UTRN: variants seen among roughly 807,000 people sequenced by gnomAD.
UTRN encodes utrophin.
Under a neutral mutation model 463.9 loss-of-function variants are expected in UTRN, and 283 were observed. The ratio of observed to expected loss-of-function variants is 0.61; its 90% CI spans 0.55 to 0.67. The LOEUF (loss-of-function observed/expected upper bound fraction) is 0.67, where lower values mean the gene tolerates loss of function less well. UTRN is among the 30% of genes least tolerant of loss of function. The probability of loss-of-function intolerance (pLI) is 0.00; values close to 1 mark genes in which losing one functional copy is unlikely to be tolerated. For missense variants in UTRN, 3,922 were observed against 4,084.3 expected (o/e 0.96, Z 1.08); for synonymous variants, 1,442 against 1,431.5 (o/e 1.01, Z -0.17).
At chr6:144,387,729 C>T (rs1781538530) in intron 2 of UTRN, among the ~76,000 whole-genome samples, 1 of 152,168 alleles carries the variant, frequency 6.6e-6, no homozygotes, top group African/African-American at 2.4e-5. Flanking sequence ...GGGCTTTATC[C>T]AGTTTAGGAG....
intron 34 of UTRN, among the ~76,000 whole-genome samples, chr6:144,504,466 C>G (rs541499299): frequency 6.6e-6 from 1 of 152,162 alleles, no homozygotes; most frequent in Admixed American, 6.5e-5. Flanking sequence ...TGAATTTTAT[C>G]AAAGGCCTTT....
At chr6:144,612,977 G>T (rs918021712) in intron 51 of UTRN, among the ~76,000 whole-genome samples, 2 of 151,996 alleles carry the variant, frequency 1.3e-5, no homozygotes, top group Non-Finnish European at 2.9e-5. Context: ...CAGATGAATG[G>T]ATAAAGAAAA....
intron 51 of UTRN, among the ~76,000 whole-genome samples, chr6:144,596,076 G>T (rs1803612109): frequency 6.6e-6 from 1 of 152,178 alleles, no homozygotes; most frequent in Admixed American, 6.5e-5. Context: ...AGCTTGATAG[G>T]AAGCTAGAGA....
rs187343554 is a variant in UTRN at position 144,492,509 on chromosome 6, C to T, written c.4438-792C>T. Among the ~76,000 whole-genome samples, 455 of 152,192 alleles carry T rather than the reference C, an allele frequency of 3.0e-3. 1 individual carries two copies. The highest frequency in any genetic ancestry group is 4.7e-3 in the Non-Finnish European group (319 of 68,008). ...GAGTGCATGTGTCCTTTTGGTAGAA[C>T]GATTATCCTCCTTTACTTATATACC... On this transcript the variant is annotated intron_variant, in intron 32 of 74. Transcript: ENST00000367545.
intron 27 of UTRN, 121 bp downstream of exon 27, chr6:144,482,509 ACTT>A: frequency 1.6e-6 from 1 of 632,754 alleles, no homozygotes; most frequent in Non-Finnish European, 2.1e-6. Flanking sequence ...CTTGGAGAAA[ACTT>A]CTCTTTTCTT....
At chr6:144,775,888 C>T (rs1252602828) in intron 60 of UTRN, among the ~76,000 whole-genome samples, 2 of 152,208 alleles carry the variant, frequency 1.3e-5, no homozygotes, top group African/African-American at 4.8e-5. Flanking sequence ...AGCTCTTCCC[C>T]TCAAACCTGA....
intron 74 of UTRN, among the ~76,000 whole-genome samples, chr6:144,847,549 A>G (rs1396226176): frequency 2.6e-5 from 4 of 152,200 alleles, no homozygotes; most frequent in Non-Finnish European, 5.9e-5. Context: ...TATATAATTA[A>G]GATAAGGTAT....
At chr6:144,850,471 A>G (rs1271283582) in intron 74 of UTRN, among the ~76,000 whole-genome samples, 1 of 152,076 alleles carries the variant, frequency 6.6e-6, no homozygotes, top group Non-Finnish European at 1.5e-5. Context: ...AAAGGTTGAT[A>G]CCACTTCCAT....
rs1302184873 is a variant in UTRN at position 144,700,193 on chromosome 6, C to G, written c.7759C>G (p.Pro2587Ala). 6.2e-7 allele frequency: 1 copy of G among 1,613,332 alleles called. No individual in the cohort carries two copies. The highest frequency in any genetic ancestry group is 1.1e-5 in the South Asian group (1 of 91,042). The change falls in exon 53 of 75, where the codon CCT becomes GCT. Residue 2587 changes from proline (P) to alanine (A), a missense_variant. This residue lies in a region of UTRN where 1,309 missense variants were observed against 1,452.6 expected (regional missense o/e 0.90). Coordinates refer to ENST00000367545, the MANE Select transcript of UTRN (RefSeq NM_007124.3). ...AGATGAAGAGCTTAAGAAACAAATG[C>G]CTATTGGAGGAGATGTTCCAGCCTT... ...MKDEELKKQM[P>A]IGGDVPALQL...
At chr6:144,337,212 A>G (rs1776804273) in intron 2 of UTRN, among the ~76,000 whole-genome samples, 1 of 148,832 alleles carries the variant, frequency 6.7e-6, no homozygotes, top group East Asian at 2.6e-4. Flanking sequence ...ACACACACAC[A>G]CACACACATG....
At chr6:144,593,253 G>T (rs540056449) in intron 51 of UTRN, among the ~76,000 whole-genome samples, 99 of 152,226 alleles carry the variant, frequency 6.5e-4, no homozygotes, top group African/African-American at 2.2e-3. Flanking sequence ...CAGATTTTTT[G>T]AAAGAAAAGT....
intron 25 of UTRN, among the ~76,000 whole-genome samples, chr6:144,477,353 T>C (rs910757679): frequency 6.6e-6 from 1 of 152,240 alleles, no homozygotes; most frequent in Non-Finnish European, 1.5e-5. Flanking sequence ...CAGAAAAATT[T>C]ATATTTGCAT....
chr6:144,387,299 T>C (rs1781502603), intron 2 of UTRN, among the ~76,000 whole-genome samples: 1 of 152,124 alleles, frequency 6.6e-6, no homozygotes, highest in Non-Finnish European at 1.5e-5. Context: ...CGTGCCACCA[T>C]GCCTGGCTAA....
intron 53 of UTRN, among the ~76,000 whole-genome samples, chr6:144,710,958 A>C (rs1785624990): frequency 6.6e-6 from 1 of 152,142 alleles, no homozygotes; most frequent in Non-Finnish European, 1.5e-5. Context: ...GTACATGTTT[A>C]ATTCCCTCAA....
At chr6:144,306,296 G>A (rs1805730972) in intron 2 of UTRN, among the ~76,000 whole-genome samples, 2 of 152,124 alleles carry the variant, frequency 1.3e-5, no homozygotes, top group Non-Finnish European at 2.9e-5. Flanking sequence ...TGTGGGGTGT[G>A]TGCTGGATGA....
intron 3 of UTRN, among the ~76,000 whole-genome samples, chr6:144,421,586 G>A (rs1193466384): frequency 1.3e-5 from 2 of 151,936 alleles, no homozygotes; most frequent in Non-Finnish European, 2.9e-5. Context: ...CTACTCGGGA[G>A]GCTGAGGCAG....
intron 51 of UTRN, among the ~76,000 whole-genome samples, chr6:144,641,884 T>C (rs1777810150): frequency 6.6e-6 from 1 of 152,230 alleles, no homozygotes; most frequent in African/African-American, 2.4e-5. Context: ...GAAATATTGC[T>C]GAGGAATCTT....
Position 144,748,132 on chromosome 6 carries a change from T to C in UTRN, c.7940-114T>C, listed in dbSNP as rs1039096491. 9 of 1,361,970 alleles carry C rather than the reference T, an allele frequency of 6.6e-6. No homozygotes were observed. In the African/African-American group the frequency reaches 1.3e-4, roughly 20 times the overall value. 84.4% of individuals were successfully genotyped at this position (1,361,970 alleles called of 1,614,324 possible). On this transcript the variant is annotated intron_variant, in intron 54 of 74. Transcript: ENST00000367545. ...CTGGACAATTTTTACCCTGGAGTAA[T>C]TTTTTCTTACTTTTTCTCCGTATTT...
intron 54 of UTRN, among the ~76,000 whole-genome samples, chr6:144,732,261 C>CATATATATATATATAT (rs1562832840): frequency 5.7e-5 from 7 of 122,662 alleles, no homozygotes; most frequent in African/African-American, 2.3e-4. Flanking sequence ...TATATATACA[C>CATATATATATATATAT]ACATATATAT....
Sources: allele counts gnomAD v4.1 joint callset (sites outside exome capture counted in the v4.1 genomes callset), GRCh38; gene constraint gnomAD v4.1.1; regional missense constraint gnomAD v4.1.1; transcripts MANE v1.5; gene names NCBI Gene and HGNC (gene_info 2026-07-23, HGNC 2026-07-21).